The following WWOX variants were observed in gnomAD, a reference collection of about 807,000 sequenced individuals.
WWOX encodes WW domain-containing oxidoreductase.
WWOX carries 69 observed loss-of-function variants against 46.2 expected under a neutral mutation model. The observed-to-expected ratio is 1.49, with a 90% CI of 1.23 to 1.82. The LOEUF is 1.82. WWOX is among the 40% of genes most tolerant of loss of function. WWOX has a pLI of 0.00. For missense variants in WWOX, 919 were observed against 542.6 expected (o/e 1.69, Z -6.89); for synonymous variants, 359 against 202.6 (o/e 1.77, Z -6.56).
chr16:78,430,732 A>G (rs1202826440), intron 7 of WWOX, among the ~76,000 whole-genome samples: 1 of 152,162 alleles, frequency 6.6e-6, no homozygotes, highest in Non-Finnish European at 1.5e-5. Context: ...TGTATCCTTG[A>G]TGACGTTTCT....
At chr16:78,405,882 C>T (rs9936338) in intron 6 of WWOX, among the ~76,000 whole-genome samples, 67 of 152,104 alleles carry the variant, frequency 4.4e-4, no homozygotes, top group Admixed American at 2.0e-3. Flanking sequence ...ACACAGGTGA[C>T]GAAGTGAGTT....
intron 6 of WWOX, among the ~76,000 whole-genome samples, chr16:78,400,219 C>T (rs1262431628): frequency 6.6e-6 from 1 of 152,076 alleles, no homozygotes; most frequent in African/African-American, 2.4e-5. Flanking sequence ...AATTTATAAC[C>T]AAAAACAGGA....
intron 8 of WWOX, among the ~76,000 whole-genome samples, chr16:78,625,822 CA>C (rs1380982294): frequency 1.4e-5 from 2 of 145,464 alleles, no homozygotes; most frequent in Admixed American, 6.8e-5. Flanking sequence ...AAGTAATTGG[CA>C]AATGGCAATT....
chr16:79,210,470 C>G (rs769226287), intron 8 of WWOX, among the ~76,000 whole-genome samples: 1 of 152,112 alleles, frequency 6.6e-6, no homozygotes, highest in Non-Finnish European at 1.5e-5. Flanking sequence ...TGGGTCGGGT[C>G]GGAAAGCCAT....
At chr16:78,966,497 G>C (rs1195418824) in intron 8 of WWOX, among the ~76,000 whole-genome samples, 1 of 151,754 alleles carries the variant, frequency 6.6e-6, no homozygotes, top group African/African-American at 2.4e-5. Flanking sequence ...ATTCCACTTA[G>C]TGGCTATGAC....
chr16:78,736,936 T>C (rs2049106157), intron 8 of WWOX, among the ~76,000 whole-genome samples: 1 of 151,940 alleles, frequency 6.6e-6, no homozygotes, highest in Admixed American at 6.6e-5. Context: ...AGCTATTGTG[T>C]ATTGCGTTAT....
intron 5 of WWOX, among the ~76,000 whole-genome samples, chr16:78,262,896 A>C (rs953851637): frequency 1.3e-5 from 2 of 152,142 alleles, no homozygotes; most frequent in Non-Finnish European, 1.5e-5. Flanking sequence ...CTGAGAAGCT[A>C]TTTGCAGCAT....
intron 8 of WWOX, among the ~76,000 whole-genome samples, chr16:79,207,121 A>T (rs1442636628): frequency 1.3e-5 from 2 of 152,120 alleles, no homozygotes; most frequent in Non-Finnish European, 2.9e-5. Flanking sequence ...ACGGCCATCT[A>T]TTCCACCTGT....
intron 5 of WWOX, among the ~76,000 whole-genome samples, chr16:78,365,546 G>T (rs1028103285): frequency 1.3e-5 from 2 of 152,138 alleles, no homozygotes; most frequent in African/African-American, 2.4e-5. Flanking sequence ...AGGTCCATAT[G>T]TGCTGTCCCC....
intron 4 of WWOX, among the ~76,000 whole-genome samples, chr16:78,144,440 T>TATATAC (rs1555543009): frequency 6.3e-5 from 1 of 15,884 alleles, no homozygotes; most frequent in Non-Finnish European, 9.5e-5. Context: ...TATATATATA[T>TATATAC]ATATATACAC....
At chr16:78,130,220 C>G (rs907058853) in intron 4 of WWOX, 2 of 152,182 alleles carry the variant, frequency 1.3e-5, no homozygotes, top group African/African-American at 4.8e-5. Flanking sequence ...TGAAAACAGA[C>G]TAATACAGGG....
chr16:79,034,418 T>C (rs1395979224), intron 8 of WWOX, among the ~76,000 whole-genome samples: 1 of 152,206 alleles, frequency 6.6e-6, no homozygotes, highest in Non-Finnish European at 1.5e-5. Context: ...CTCCAAGGTG[T>C]ATACACTGCC....
chr16:78,871,734 G>A (rs184923816), intron 8 of WWOX, among the ~76,000 whole-genome samples: 36 of 152,228 alleles, frequency 2.4e-4, no homozygotes, highest in African/African-American at 7.9e-4. Context: ...CAAGCAGCTG[G>A]GACTACAGGC....
At chr16:78,671,437 A>ATT (rs2047461298) in intron 8 of WWOX, among the ~76,000 whole-genome samples, 1 of 152,234 alleles carries the variant, frequency 6.6e-6, no homozygotes, top group Non-Finnish European at 1.5e-5. Context: ...AAATTAAAAA[A>ATT]TAAAACATAA....
At chr16:78,990,076 C>T (rs1027754532) in intron 8 of WWOX, among the ~76,000 whole-genome samples, 10 of 150,824 alleles carry the variant, frequency 6.6e-5, no homozygotes, top group East Asian at 2.0e-4. Flanking sequence ...CTCAGCTACT[C>T]GGGAGGCTGA....
intron 8 of WWOX, among the ~76,000 whole-genome samples, chr16:78,951,682 C>G (rs569331565): frequency 2.0e-5 from 3 of 152,298 alleles, no homozygotes; most frequent in Admixed American, 1.3e-4. Context: ...GAATTCAGGA[C>G]TGCGGTTCTA....
intron 5 of WWOX, among the ~76,000 whole-genome samples, chr16:78,327,815 G>A (rs1447551451): frequency 6.7e-6 from 1 of 150,210 alleles, no homozygotes; most frequent in Non-Finnish European, 1.5e-5. Context: ...AGAGCACCCA[G>A]AGCTGGCTTT....
chr16:78,710,325 C>A (rs890188791), intron 8 of WWOX, among the ~76,000 whole-genome samples: 2 of 151,418 alleles, frequency 1.3e-5, no homozygotes, highest in East Asian at 3.9e-4. Flanking sequence ...TCAAGAAATG[C>A]GGCAGCTGCT....
intron 8 of WWOX, among the ~76,000 whole-genome samples, chr16:79,034,171 C>T (rs1211401661): frequency 6.6e-6 from 1 of 152,178 alleles, no homozygotes; most frequent in Non-Finnish European, 1.5e-5. Flanking sequence ...CCATCTATAA[C>T]ATTTCCCACA....
Sources: allele counts gnomAD v4.1 joint callset (sites outside exome capture counted in the v4.1 genomes callset), GRCh38; gene constraint gnomAD v4.1.1; transcripts MANE v1.5; gene names NCBI Gene and HGNC (gene_info 2026-07-23, HGNC 2026-07-21).